PTPRK: variants seen among roughly 807,000 people sequenced by gnomAD.
PTPRK encodes receptor-type tyrosine-protein phosphatase kappa.
In PTPRK, 75 loss-of-function variants were observed where a neutral mutation model predicts 178.0. That is an observed-to-expected ratio of 0.42 (90% CI 0.35 to 0.51). PTPRK has a LOEUF of 0.51. PTPRK is among the 20% of genes least tolerant of loss of function. The pLI, the probability that PTPRK is intolerant of heterozygous loss-of-function variation, is 0.02. For missense variants in PTPRK, 1,441 were observed against 1,797.8 expected, an observed-to-expected ratio of 0.80 and a Z score of 3.59; for synonymous variants, 637 against 620.6, an observed-to-expected ratio of 1.03 and a Z score of -0.39.
At chr6:128,192,139 CTT>C (rs1803911424) in intron 6 of PTPRK, among the ~76,000 whole-genome samples, 2 of 152,084 alleles carry the variant, frequency 1.3e-5, no homozygotes, top group South Asian at 2.1e-4. Flanking sequence ...AAAGTAAAAA[CTT>C]GATCAAAATA....
chr6:128,121,601 A>T (rs1215624954), intron 7 of PTPRK, among the ~76,000 whole-genome samples: 1 of 152,058 alleles, frequency 6.6e-6, no homozygotes, highest in African/African-American at 2.4e-5. Flanking sequence ...TTTGTTTGAA[A>T]AAAGCATGTT....
intron 1 of PTPRK, among the ~76,000 whole-genome samples, chr6:128,502,310 GA>G (rs912563873): frequency 6.6e-6 from 1 of 152,146 alleles, no homozygotes; most frequent in African/African-American, 2.4e-5. Context: ...GAGTTAAACA[GA>G]AAAACAGTCT....
intron 7 of PTPRK, among the ~76,000 whole-genome samples, chr6:128,149,333 C>T (rs1796941951): frequency 6.6e-6 from 1 of 151,770 alleles, no homozygotes; most frequent in South Asian, 2.1e-4. Context: ...TATGGCATAT[C>T]ATGGTTAATG....
chr6:128,033,511 T>C (rs567780914), intron 13 of PTPRK, among the ~76,000 whole-genome samples: 21 of 152,344 alleles, frequency 1.4e-4, no homozygotes, highest in Non-Finnish European at 2.5e-4. Context: ...ATTTTACTGA[T>C]ACATGGATTT....
chr6:128,032,980 C>G (rs1490341558), intron 13 of PTPRK, among the ~76,000 whole-genome samples: 1 of 152,114 alleles, frequency 6.6e-6, no homozygotes, highest in Non-Finnish European at 1.5e-5. Flanking sequence ...CAAGCCAGTT[C>G]TAAATTACGT....
intron 3 of PTPRK, among the ~76,000 whole-genome samples, chr6:128,247,618 C>G (rs576010127): frequency 6.6e-6 from 1 of 152,168 alleles, no homozygotes. Context: ...CACACCTGGC[C>G]TAGTTCGTAC....
rs752300722 is a variant in PTPRK at position 128,068,392 on chromosome 6, C to T, written c.1884-600G>A. On this transcript the variant is annotated intron_variant, in intron 11 of 29. Transcript: ENST00000368226. ...CGGGCACAGATGGACAGAAATCTGT[C>T]CTCACAACCGAAATAGACCGCCTCC... Among the ~76,000 whole-genome samples, 64 of 152,160 alleles carry T rather than the reference C, an allele frequency of 4.2e-4. 1 individual carries two copies. Among genetic ancestry groups the T allele is most frequent in the Non-Finnish European group, 7.8e-4 (53 of 68,022 alleles).
chr6:128,508,987 A>T (rs1210706354), intron 1 of PTPRK, among the ~76,000 whole-genome samples: 1 of 152,062 alleles, frequency 6.6e-6, no homozygotes, highest in Admixed American at 6.6e-5. Context: ...AAACGAAAAA[A>T]TTTCATAAAT....
intron 6 of PTPRK, among the ~76,000 whole-genome samples, chr6:128,209,086 C>A (rs779730818): frequency 6.6e-5 from 10 of 152,084 alleles, no homozygotes; most frequent in East Asian, 5.8e-4. Flanking sequence ...AACCACCCCC[C>A]CCAGGAACAC....
At chr6:128,463,287 T>C (rs1849317780) in intron 1 of PTPRK, among the ~76,000 whole-genome samples, 1 of 152,196 alleles carries the variant, frequency 6.6e-6, no homozygotes, top group Non-Finnish European at 1.5e-5. Context: ...TCTGCTTGTT[T>C]ATACTATCTA....
chr6:128,021,262 T>C (rs1773457189), intron 13 of PTPRK, among the ~76,000 whole-genome samples: 1 of 152,216 alleles, frequency 6.6e-6, no homozygotes. Context: ...CAGTGGGCTA[T>C]AGATTGTCCA....
chr6:127,976,866 C>T, intron 26 of PTPRK, 57 bp downstream of exon 26: 2 of 1,609,982 alleles, frequency 1.2e-6, no homozygotes, highest in Non-Finnish European at 8.5e-7. Flanking sequence ...TTTAGCAATT[C>T]ATTACTACTC....
intron 1 of PTPRK, among the ~76,000 whole-genome samples, chr6:128,505,417 G>A (rs1856185704): frequency 6.6e-6 from 1 of 151,548 alleles, no homozygotes; most frequent in Non-Finnish European, 1.5e-5. Flanking sequence ...CTCCAGCCTG[G>A]GCAACAAGAG....
intron 3 of PTPRK, among the ~76,000 whole-genome samples, chr6:128,262,967 T>C (rs1287703066): frequency 6.6e-6 from 1 of 151,268 alleles, no homozygotes; most frequent in Non-Finnish European, 1.5e-5. Context: ...ACGTCTACCA[T>C]AGTCTTTCAC....
At chr6:128,002,753 A>C (rs934512744) in intron 15 of PTPRK, among the ~76,000 whole-genome samples, 9 of 152,058 alleles carry the variant, frequency 5.9e-5, no homozygotes, top group African/African-American at 1.9e-4. Flanking sequence ...AGCTAGAGCA[A>C]ATGCACATAA....
At chr6:128,415,163 T>C (rs1562474582) in intron 1 of PTPRK, among the ~76,000 whole-genome samples, 1 of 152,154 alleles carries the variant, frequency 6.6e-6, no homozygotes, top group Non-Finnish European at 1.5e-5. Context: ...ACACACAACC[T>C]GGCAGAAAAC....
At chr6:128,372,597 T>C (rs546957895) in intron 2 of PTPRK, among the ~76,000 whole-genome samples, 1 of 152,314 alleles carries the variant, frequency 6.6e-6, no homozygotes, top group African/African-American at 2.4e-5. Context: ...ATAAGGTCTA[T>C]ACCTGTAGTT....
At chr6:128,495,191 C>T (rs1380559450) in intron 1 of PTPRK, among the ~76,000 whole-genome samples, 1 of 152,096 alleles carries the variant, frequency 6.6e-6, no homozygotes, top group African/African-American at 2.4e-5. Context: ...AATAGCAAAG[C>T]TTATCACTCA....
intron 7 of PTPRK, among the ~76,000 whole-genome samples, chr6:128,146,587 G>A (rs879659921): frequency 9.9e-5 from 15 of 151,760 alleles, no homozygotes; most frequent in Non-Finnish European, 1.6e-4. Context: ...GGGATTTCAG[G>A]CACACACCAC....
Sources: allele counts gnomAD v4.1 joint callset (sites outside exome capture counted in the v4.1 genomes callset), GRCh38; gene constraint gnomAD v4.1.1; transcripts MANE v1.5; gene names NCBI Gene and HGNC (gene_info 2026-07-23, HGNC 2026-07-21).